Variants in FN1 observed in about 807,000 individuals in gnomAD.
FN1 encodes fibronectin.
FN1 carries 106 observed loss-of-function variants against 297.3 expected under a neutral mutation model. The observed-to-expected ratio is 0.36, with a 90% confidence interval of 0.30 to 0.42. The LOEUF (loss-of-function observed/expected upper bound fraction) is 0.42, where lower values mean the gene tolerates loss of function less well. FN1 is among the 10% of genes least tolerant of loss of function. The pLI, the probability that FN1 is intolerant of heterozygous loss-of-function variation, is 1.00. For synonymous variants in FN1, 1,149 were observed against 1,152.6 expected (o/e 1.00, Z 0.06); for missense variants, 2,690 against 3,124.9 (o/e 0.86, Z 3.32).
chr2:215,369,215 T>TG (rs1473755696), intron 41 of FN1, among the ~76,000 whole-genome samples: 1 of 138,004 alleles, frequency 7.2e-6, no homozygotes, highest in Non-Finnish European at 1.6e-5. Flanking sequence ...ATGGAATCTT[T>TG]AAAAAAAAAA....
In FN1 at chr2:215,384,931, G is replaced by C. The variant is rs2058705323; in HGVS notation, c.4658C>G (p.Thr1553Ser). Residue 1553 changes from threonine to serine, a missense_variant, in exon 29 of 46, where the codon ACC becomes AGC. Thr to Ser is a moderately conservative substitution (Grantham distance 58, BLOSUM62 1). Transcript: ENST00000354785. ...AGCATCCCAGCTGATCAGTAGGCTG[G>C]TGGGGGTCGCAGCAACAACTTCCAG... is the stretch of plus-strand genomic sequence containing the variant. ...RDLEVVAATP[T>S]SLLISWDAPA... The C allele has an allele frequency of 6.2e-7, 1 of 1,614,058 alleles. No individual in the cohort carries two copies. Among genetic ancestry groups the C allele is most frequent in the Non-Finnish European group, 8.5e-7 (1 of 1,179,966 alleles).
intron 26 of FN1, among the ~76,000 whole-genome samples, chr2:215,391,076 T>G (rs113937991): frequency 1.2e-3 from 181 of 151,968 alleles, no homozygotes; most frequent in African/African-American, 4.2e-3. Flanking sequence ...TTAATGTCAG[T>G]TTTTTTTCTA....
chr2:215,419,053 C>A (rs2063826476), intron 12 of FN1, among the ~76,000 whole-genome samples, 189 bp downstream of exon 12: 1 of 152,098 alleles, frequency 6.6e-6, no homozygotes, highest in African/African-American at 2.4e-5. Flanking sequence ...CCTTCTCTAC[C>A]TTTTACTTGA....
intron 34 of FN1, among the ~76,000 whole-genome samples, chr2:215,378,891 C>A (rs1178998921): frequency 6.6e-6 from 1 of 152,116 alleles, no homozygotes; most frequent in African/African-American, 2.4e-5. Context: ...AAAATAAGCA[C>A]AATACATCTA....
At chr2:215,365,043 A>C in intron 43 of FN1, 58 bp from the exon 44 acceptor site, 1 of 1,109,494 alleles carries the variant, frequency 9.0e-7, no homozygotes, top group Non-Finnish European at 1.3e-6. Context: ...TGCAGACTTG[A>C]TCTAGGGGTG....
chr2:215,410,507 CTTTTT>C (rs34645626), intron 13 of FN1, among the ~76,000 whole-genome samples: 1 of 134,014 alleles, frequency 7.5e-6, no homozygotes. Flanking sequence ...GGCACCTTCA[CTTTTT>C]TTTTTTTTTT....
chr2:215,399,571 T>C (rs1247319648), intron 20 of FN1, among the ~76,000 whole-genome samples: 1 of 152,178 alleles, frequency 6.6e-6, no homozygotes, highest in South Asian at 2.1e-4. Context: ...ATGCAGATTC[T>C]GTTTCTGGAG....
At position 215,418,971 on chromosome 2, in the gene FN1, CAG is replaced by C. The variant is rs111296155; in HGVS notation, c.1819+269_1819+270del. Among the ~76,000 whole-genome samples, 3,938 of 152,236 alleles carry C rather than the reference CAG, an allele frequency of 0.026. 171 individuals carry two copies. Among genetic ancestry groups the C allele is most frequent in the African/African-American group, 0.091 (3,766 of 41,510 alleles). On this transcript the variant is annotated intron_variant, in intron 12 of 45. Transcript: ENST00000354785. ...TGTATGGATATAAGATGAAATTAGC[CAG>C]AGTGTCTTAACCTAACAGAATATTT... is the stretch of plus-strand genomic sequence containing the variant.
chr2:215,429,991 G>T (rs2066202748), intron 5 of FN1, among the ~76,000 whole-genome samples: 1 of 152,120 alleles, frequency 6.6e-6, no homozygotes, highest in African/African-American at 2.4e-5. Context: ...GCAAGTTTCT[G>T]GGAAAGCTTT....
intron 44 of FN1, chr2:215,364,622 T>C: frequency 1.8e-6 from 1 of 562,054 alleles, no homozygotes; most frequent in Non-Finnish European, 3.2e-6. Context: ...TAAGAATGAC[T>C]CAAGACTTGT....
chr2:215,411,785 G>C (rs181590246), intron 13 of FN1, among the ~76,000 whole-genome samples: 2 of 151,416 alleles, frequency 1.3e-5, no homozygotes, highest in South Asian at 4.2e-4. Flanking sequence ...TCCTGCCTCA[G>C]CTTCCCGAGT....
chr2:215,393,145 C>T lies in FN1; in HGVS notation c.3855G>A (p.Leu1285=), dbSNP rs2059902581. Reference sequence around the variant, plus strand: ...TGGAAGAGTTTAGCGGGGTCCACCTCAGGCCGATGCTTGAATCGGTTATAT... The same window carrying T: ...TGGAAGAGTTTAGCGGGGTCCACCTTAGGCCGATGCTTGAATCGGTTATAT... ...FVDITDSSIG[L]RWTPLNSSTI... is the part of the protein sequence containing the mutation. The change falls in exon 25 of 46, where the codon CTG becomes CTA. Residue 1285 remains leucine (L), a synonymous_variant. Transcript: ENST00000354785. 3.1e-6 allele frequency: 5 copies of T among 1,613,796 alleles called. No homozygotes were observed. Among genetic ancestry groups the T allele is most frequent in the African/African-American group, 1.3e-5 (1 of 74,816 alleles).
intron 18 of FN1, among the ~76,000 whole-genome samples, chr2:215,406,830 A>G (rs2061838519): frequency 6.6e-6 from 1 of 152,218 alleles, no homozygotes; most frequent in East Asian, 1.9e-4. Context: ...AAAATAATGT[A>G]ACAGTTTTTG....
chr2:215,371,267 C>CA (rs201920082), intron 40 of FN1, among the ~76,000 whole-genome samples: 1 of 134,746 alleles, frequency 7.4e-6, no homozygotes, highest in East Asian at 4.6e-4. Flanking sequence ...GACTCCATCT[C>CA]GGGGAAAAAA....
rs2062401023 is a variant in FN1, at chr2:215,410,213, A to T, written c.1942-99T>A. 3 of 1,273,920 alleles carry T rather than the reference A, an allele frequency of 2.4e-6. No individual in the cohort carries two copies. In the Admixed American group the frequency reaches 5.9e-5, roughly 25 times the overall value. 78.9% of individuals were successfully genotyped at this position (1,273,920 alleles called of 1,614,324 possible). A position where few individuals can be genotyped will look rare whatever the true frequency, so the allele number is the denominator to read the frequency against. ...AGTAATCTTCAAAGAAAAATGACTT[A>T]AGCAGGACTTAGGCAGCTCCATTCT... is the stretch of plus-strand genomic sequence containing the variant. On this transcript the variant is annotated intron_variant, in intron 13 of 45. Transcript: ENST00000354785.
intron 20 of FN1, 139 bp downstream of exon 20, chr2:215,404,250 G>C (rs1386041310): frequency 4.5e-6 from 4 of 879,682 alleles, no homozygotes; most frequent in Non-Finnish European, 7.1e-6. Context: ...CCAGTCTATG[G>C]AGCACATTTT....
chr2:215,362,659 A>G (rs1323937001), intron 44 of FN1: 1 of 155,552 alleles, frequency 6.4e-6, no homozygotes, highest in Non-Finnish European at 1.4e-5. Context: ...GTGACATGGT[A>G]GCCTGTCACC....
intron 13 of FN1, among the ~76,000 whole-genome samples, chr2:215,413,237 A>G (rs1322130896): frequency 6.6e-6 from 1 of 152,124 alleles, no homozygotes; most frequent in African/African-American, 2.4e-5. Flanking sequence ...CTCCTACCTC[A>G]GCTCCTGAGG....
At chr2:215,379,368 A>C in intron 33 of FN1, 51 bp from the exon 34 acceptor site, 1 of 1,532,206 alleles carries the variant, frequency 6.5e-7, no homozygotes, top group Non-Finnish European at 9.0e-7. Flanking sequence ...ATGGGGGAAA[A>C]GGAAAATAAA....
Sources: gnomAD v4.1 joint callset for allele counts (sites outside exome capture counted in the v4.1 genomes callset) on GRCh38, gnomAD v4.1.1 for gene constraint, MANE v1.5 for transcripts, NCBI Gene and HGNC (gene_info 2026-07-23, HGNC 2026-07-21) for gene names.